The following KDM1A variants were observed in gnomAD, a reference collection of about 807,000 sequenced individuals.
The protein encoded by KDM1A is lysine-specific histone demethylase 1A.
Under a neutral mutation model 109.4 loss-of-function variants are expected in KDM1A, and 49 were observed. That is an observed-to-expected ratio of 0.45 (90% CI 0.36 to 0.57). The LOEUF (loss-of-function observed/expected upper bound fraction) is 0.57. KDM1A is among the 20% of genes least tolerant of loss of function. KDM1A has a pLI of 0.00. For synonymous variants in KDM1A, 380 were observed against 415.4 expected, an observed-to-expected ratio of 0.91 and a Z score of 1.04; for missense variants, 668 against 1,116.6, an observed-to-expected ratio of 0.60 and a Z score of 5.73.
At chr1:23,036,316 C>T (rs945905546) in intron 2 of KDM1A, among the ~76,000 whole-genome samples, 3 of 151,926 alleles carry the variant, frequency 2.0e-5, no homozygotes, top group African/African-American at 7.3e-5. Flanking sequence ...TCATTCCTGA[C>T]GGGGTTGTCT....
At chr1:23,031,375 A>AT (rs1641975614) in intron 2 of KDM1A, among the ~76,000 whole-genome samples, 1 of 152,212 alleles carries the variant, frequency 6.6e-6, no homozygotes, top group East Asian at 1.9e-4. Context: ...TTGACTTTGA[A>AT]TTTTTACTAA....
chr1:23,073,968 T>C (rs1404217626), intron 15 of KDM1A, among the ~76,000 whole-genome samples: 1 of 152,256 alleles, frequency 6.6e-6, no homozygotes, highest in Admixed American at 6.5e-5. Context: ...AATGTTCATG[T>C]CTTTCTCTTG....
intron 10 of KDM1A, among the ~76,000 whole-genome samples, chr1:23,066,753 C>T (rs936503111): frequency 9.2e-5 from 14 of 152,186 alleles, no homozygotes; most frequent in African/African-American, 3.4e-4. Flanking sequence ...CTAGATTTCA[C>T]ATTGAAATGT....
intron 15 of KDM1A, among the ~76,000 whole-genome samples, 192 bp from the exon 16 acceptor site, chr1:23,077,036 T>A (rs1368261927): frequency 6.6e-6 from 1 of 152,142 alleles, no homozygotes; most frequent in Non-Finnish European, 1.5e-5. Flanking sequence ...GGGACATTTT[T>A]TGGTGTTTTC....
intron 2 of KDM1A, among the ~76,000 whole-genome samples, chr1:23,042,209 CAA>C (rs1333704344): frequency 6.6e-6 from 1 of 152,054 alleles, no homozygotes; most frequent in Non-Finnish European, 1.5e-5. Flanking sequence ...ACCTTCATGA[CAA>C]GAGACTGTCA....
chr1:23,038,254 T>TGTGTGTG, intron 2 of KDM1A, among the ~76,000 whole-genome samples: 1 of 149,320 alleles, frequency 6.7e-6, no homozygotes, highest in African/African-American at 2.5e-5. Context: ...CTGGAACTGT[T>TGTGTGTG]TGTGTGTGTG....
rs1643314210 is a variant in KDM1A, at chr1:23,071,365, GT to G, written c.1548+7del. 1 of 1,593,880 alleles carries G rather than the reference GT, an allele frequency of 6.3e-7. No individual in the cohort carries two copies. Among genetic ancestry groups the G allele is most frequent in the Non-Finnish European group, 8.5e-7 (1 of 1,174,682 alleles). On this transcript the variant is annotated splice_region_variant and intron_variant, in intron 13 of 20. Coordinates refer to ENST00000400181, the MANE Select transcript of KDM1A (RefSeq NM_001009999.3). The stretch of plus-strand genomic sequence containing the variant: ...ATCTGACCGCCCTATGCAAGGTGTG[GT>G]ATACATACATGCCTAACTGGTTTTA...
Position 23,020,003 on chromosome 1 carries a change from C to T in KDM1A, c.351+56C>T, listed in dbSNP as rs1341555523. Reference sequence around the variant, plus strand: ...CGCCTGGTGCCGAGCTTCCCCGAGGCTTCTCCGCCCTCCCCCGCCGCCGCC... The same window carrying T: ...CGCCTGGTGCCGAGCTTCCCCGAGGTTTCTCCGCCCTCCCCCGCCGCCGCC... On this transcript the variant is annotated intron_variant, in intron 1 of 20. Transcript: ENST00000400181. 3.6e-6 allele frequency: 5 copies of T among 1,398,134 alleles called. No individual in the cohort carries two copies. In the East Asian group the frequency reaches 1.2e-4, roughly 34 times the overall value. The allele number at this position is 1,398,134 out of a possible 1,614,324, so 86.6% of individuals were successfully genotyped here.
Position 23,059,119 on chromosome 1 carries a change from G to A in KDM1A, c.1119G>A (p.Leu373=), listed in dbSNP as rs750268769. The change falls in exon 9 of 21, where the codon CTG becomes CTA. Residue 373 remains leucine (L), a synonymous_variant. Coordinates refer to ENST00000400181, the MANE Select transcript of KDM1A (RefSeq NM_001009999.3). ...AVVSKQVNME[L]AKIKQKCPLY... Reference sequence around the variant, plus strand: ...TCAGCAAACAAGTAAATATGGAACTGGCCAAGATCAAGCAAAAATGCCCAC... The same window carrying A: ...TCAGCAAACAAGTAAATATGGAACTAGCCAAGATCAAGCAAAAATGCCCAC... 4 of 1,613,034 alleles carry A rather than the reference G, an allele frequency of 2.5e-6. No homozygotes were observed. The highest frequency in any genetic ancestry group is 3.4e-6 in the Non-Finnish European group (4 of 1,179,580).
At position 23,081,557 on chromosome 1, in the gene KDM1A, G is replaced by A; in HGVS notation, c.2282G>A (p.Ser761Asn). 6.2e-7 allele frequency: 1 copy of A among 1,614,144 alleles called. No homozygotes were observed. Among genetic ancestry groups the A allele is most frequent in the Non-Finnish European group, 8.5e-7 (1 of 1,180,000 alleles). ...CLAILKGIFG[S>N]SAVPQPKETV... The stretch of plus-strand genomic sequence containing the variant: ...GCCATTCTCAAAGGGATTTTTGGTA[G>A]CAGTGCAGTACCTCAGGTAAGTAGG... The change falls in exon 19 of 21, where the codon AGC becomes AAC. Residue 761 changes from serine to asparagine, a missense_variant. By Grantham distance (46) the Ser-to-Asn change is conservative. Transcript: ENST00000400181.
At chr1:23,027,763 C>T (rs182593447) in intron 1 of KDM1A, among the ~76,000 whole-genome samples, 5 of 148,198 alleles carry the variant, frequency 3.4e-5, no homozygotes, top group Non-Finnish European at 5.9e-5. Flanking sequence ...TCTCAGGATG[C>T]TCTCAGTTGA....
chr1:23,019,526 C>A lies in KDM1A; in HGVS notation c.-71C>A, dbSNP rs536990649. ...GCGGGCAGCGTGAAGCGAGGCGAGG[C>A]AAGGCTTTTCGGACCCACGGAGCGA... is the stretch of plus-strand genomic sequence containing the variant. On this transcript the variant is annotated 5_prime_UTR_variant, in exon 1 of 21. Coordinates refer to ENST00000400181, the MANE Select transcript of KDM1A (RefSeq NM_001009999.3). 4.5e-6 allele frequency: 6 copies of A among 1,329,010 alleles called. No homozygotes were observed. The African/African-American group carries it at 9.1e-5, about 20-fold the overall frequency. 82.3% of individuals were successfully genotyped at this position (1,329,010 alleles called of 1,614,324 possible).
intron 4 of KDM1A, 78 bp downstream of exon 4, chr1:23,050,598 AAAGAG>A (rs1642638790): frequency 1.2e-5 from 14 of 1,169,566 alleles, no homozygotes; most frequent in Admixed American, 5.6e-5. Flanking sequence ...GGAAAAATAA[AAAGAG>A]AAGAAAGAAT....
intron 2 of KDM1A, among the ~76,000 whole-genome samples, chr1:23,042,703 C>T (rs1352365114): frequency 2.6e-5 from 4 of 151,194 alleles, no homozygotes; most frequent in Non-Finnish European, 4.4e-5. Context: ...CCGCCCGCCT[C>T]GGCCTCCCAA....
At chr1:23,021,067 T>A (rs1641612594) in intron 1 of KDM1A, among the ~76,000 whole-genome samples, 1 of 152,200 alleles carries the variant, frequency 6.6e-6, no homozygotes, top group Non-Finnish European at 1.5e-5. Flanking sequence ...TCTACATAAT[T>A]TTTAAGTGGG....
At chr1:23,029,519 A>T (rs1641912251) in intron 1 of KDM1A, among the ~76,000 whole-genome samples, 1 of 152,228 alleles carries the variant, frequency 6.6e-6, no homozygotes, top group African/African-American at 2.4e-5. Context: ...TGACACATTC[A>T]CTAAGACTGC....
chr1:23,040,297 G>A (rs12065009), intron 2 of KDM1A, among the ~76,000 whole-genome samples: 1 of 152,214 alleles, frequency 6.6e-6, no homozygotes, highest in Non-Finnish European at 1.5e-5. Context: ...TTCCTTTTAA[G>A]ATGTTGGAAG....
chr1:23,063,855 T>TG (rs1643088685), intron 9 of KDM1A, among the ~76,000 whole-genome samples: 1 of 151,888 alleles, frequency 6.6e-6, no homozygotes, highest in South Asian at 2.1e-4. Context: ...GGGGTGGGAG[T>TG]GGGGGGAAGA....
intron 20 of KDM1A, 171 bp from the exon 21 acceptor site, chr1:23,083,008 A>AT: frequency 1.7e-6 from 1 of 594,708 alleles, no homozygotes; most frequent in Non-Finnish European, 3.0e-6. Context: ...CTACTTGTCA[A>AT]TTCTGGGAAA....
Sources: allele counts gnomAD v4.1 joint callset (sites outside exome capture counted in the v4.1 genomes callset), GRCh38; gene constraint gnomAD v4.1.1; transcripts MANE v1.5; gene names NCBI Gene and HGNC (gene_info 2026-07-23, HGNC 2026-07-21).